The following GATAD1 variants were observed in gnomAD, a reference collection of about 807,000 sequenced individuals.
GATAD1 encodes GATA zinc finger domain containing 1.
In GATAD1, 12 loss-of-function variants were observed where a neutral mutation model predicts 26.5. That is an observed-to-expected ratio of 0.45 (90% CI 0.29 to 0.73). The LOEUF (loss-of-function observed/expected upper bound fraction) is 0.73. Among genes scored for constraint, GATAD1 ranks in the 30% least tolerant of loss-of-function variants. GATAD1 has a pLI of 0.10. For synonymous variants in GATAD1, 129 were observed against 133.1 expected (o/e 0.97, Z 0.21); for missense variants, 266 against 342.1 (o/e 0.78, Z 1.75).
chr7:92,481,230 T>A, the GATAD1 span, among the ~76,000 whole-genome samples: 2 of 152,088 alleles, frequency 1.3e-5, no homozygotes, highest in African/African-American at 4.8e-5. Flanking sequence ...GTCAGGTAGA[T>A]CAGAGACATA....
the GATAD1 span, among the ~76,000 whole-genome samples, chr7:92,484,052 T>A: frequency 2.6e-5 from 4 of 152,222 alleles, no homozygotes; most frequent in Non-Finnish European, 4.4e-5. Flanking sequence ...TGCCTGGACG[T>A]CAGGCATCTC....
chr7:92,494,157 A>G, the GATAD1 span: 2 of 733,456 alleles, frequency 2.7e-6, no homozygotes, highest in Non-Finnish European at 4.9e-6. Context: ...TTATGCTTTG[A>G]GCAAACAGTG....
chr7:92,489,226 G>T, the GATAD1 span: 1,378 of 1,338,092 alleles, frequency 1.0e-3, 11 homozygotes, highest in African/African-American at 0.017. Flanking sequence ...GAACTTTAAA[G>T]GTTTAAGTGT....
rs548857713 is a variant in GATAD1, at chr7:92,459,388, G to A, written c.*2826G>A. 1.2e-4 allele frequency: 19 copies of A among 152,284 alleles called. No homozygotes were observed. The South Asian group carries it at 3.1e-3, about 25-fold the overall frequency. The allele number at this position is 152,284 out of a possible 1,614,324, so 9.4% of individuals were successfully genotyped here. ...ATCATCTGTTTATAAATTGGCAGATGGTTGTGTACCATCTTTTAAAATAAA... is the reference window on the plus strand; with the variant it reads ...ATCATCTGTTTATAAATTGGCAGATAGTTGTGTACCATCTTTTAAAATAAA... On this transcript the variant is annotated 3_prime_UTR_variant, in exon 5 of 5. Transcript: ENST00000287957.
chr7:92,487,433 A>C, the GATAD1 span: 2 of 1,318,816 alleles, frequency 1.5e-6, no homozygotes. Context: ...AACTTAACAG[A>C]ACCAAATCAA....
the GATAD1 span, among the ~76,000 whole-genome samples, chr7:92,494,816 T>C: frequency 6.6e-6 from 1 of 151,216 alleles, no homozygotes; most frequent in Non-Finnish European, 1.5e-5. Flanking sequence ...TATAAATGTA[T>C]TTATATATAT....
At chr7:92,489,728 G>T in the GATAD1 span, 2 of 1,613,868 alleles carry the variant, frequency 1.2e-6, no homozygotes, top group South Asian at 2.2e-5. Context: ...CTTTGGCTCC[G>T]GTATCTGCCT....
intron 3 of GATAD1, chr7:92,454,073 C>A: frequency 4.7e-6 from 1 of 212,270 alleles, no homozygotes; most frequent in Non-Finnish European, 9.2e-6. Context: ...ACAAGTGTAC[C>A]ACTCTAGTGG....
At chr7:92,494,108 T>C in the GATAD1 span, 1 of 592,642 alleles carries the variant, frequency 1.7e-6, no homozygotes, top group Non-Finnish European at 3.0e-6. Context: ...AGACTTGCAC[T>C]GGGCCAAAAA....
chr7:92,455,110 C>T (rs968261204), intron 4 of GATAD1, among the ~76,000 whole-genome samples: 2 of 145,018 alleles, frequency 1.4e-5, no homozygotes, highest in Admixed American at 7.0e-5. Context: ...TGGAGGGTGG[C>T]GGGGGGGGAT....
the GATAD1 span, among the ~76,000 whole-genome samples, chr7:92,466,037 T>C: frequency 0.22 from 32,904 of 151,980 alleles, 3,685 homozygotes; most frequent in East Asian, 0.33. Context: ...ACAACCTTAA[T>C]CTCAACTTCT....
the GATAD1 span, among the ~76,000 whole-genome samples, chr7:92,480,992 A>T: frequency 6.6e-6 from 1 of 152,216 alleles, no homozygotes; most frequent in East Asian, 1.9e-4. Context: ...ATTGACGTGT[A>T]GTCCCTTTGC....
chr7:92,469,600 A>G, the GATAD1 span: 1 of 764,610 alleles, frequency 1.3e-6, no homozygotes, highest in Non-Finnish European at 2.4e-6. Context: ...TAGGCAGACT[A>G]TTTGTGTGGG....
chr7:92,482,148 G>C, the GATAD1 span, among the ~76,000 whole-genome samples: 1 of 152,258 alleles, frequency 6.6e-6, no homozygotes, highest in African/African-American at 2.4e-5. Context: ...GGCTGTCCCT[G>C]AAGCCTTGCG....
rs1160221343 is a variant in GATAD1 at position 92,456,856 on chromosome 7, G to T, written c.*294G>T. 1.5e-5 allele frequency: 4 copies of T among 265,754 alleles called. No individual in the cohort carries two copies. The highest frequency in any genetic ancestry group is 2.8e-5 in the Non-Finnish European group (4 of 143,342). The allele number at this position is 265,754 out of a possible 1,614,324, so 16.5% of individuals were successfully genotyped here. A position where few individuals can be genotyped will look rare whatever the true frequency, so the allele number is the denominator to read the frequency against. On this transcript the variant is annotated 3_prime_UTR_variant, in exon 5 of 5. Transcript: ENST00000287957. ...CACTTAGAAAATTAAAAGGGATAGGGCCAGGCACAGTGGCTTATGCCTGTA... is the reference window on the plus strand; with the variant it reads ...CACTTAGAAAATTAAAAGGGATAGGTCCAGGCACAGTGGCTTATGCCTGTA...
chr7:92,468,431 A>G, the GATAD1 span: 1 of 196,190 alleles, frequency 5.1e-6, no homozygotes, highest in Non-Finnish European at 1.0e-5. Context: ...GAGCTCCCAT[A>G]CAAAGGGAGG....
chr7:92,471,814 C>T, the GATAD1 span: 1 of 152,204 alleles, frequency 6.6e-6, no homozygotes, highest in Admixed American at 6.5e-5. Context: ...GTTAGGAATT[C>T]CCTTTCTTTC....
chr7:92,448,999 G>A lies in GATAD1; in HGVS notation c.375+122G>A, dbSNP rs1684338033. The stretch of plus-strand genomic sequence containing the variant: ...GGTAGCCCTTCCTTAGTATTCTGGG[G>A]AATGGTCCAGATTCCCCAAAAGGGA... On this transcript the variant is annotated intron_variant, in intron 2 of 4. Transcript: ENST00000287957. The A allele has an allele frequency of 1.8e-5, 21 of 1,157,384 alleles. No individual in the cohort carries two copies. The South Asian group carries it at 2.8e-4, about 15-fold the overall frequency. The allele number at this position is 1,157,384 out of a possible 1,614,324, so 71.7% of individuals were successfully genotyped here.
the GATAD1 span, among the ~76,000 whole-genome samples, chr7:92,465,856 C>T: frequency 6.6e-6 from 1 of 151,906 alleles, no homozygotes; most frequent in Non-Finnish European, 1.5e-5. Flanking sequence ...CAAAAATTAG[C>T]CCGGCGTGGT....
Sources: gnomAD v4.1 joint callset for allele counts (sites outside exome capture counted in the v4.1 genomes callset) on GRCh38, gnomAD v4.1.1 for gene constraint, MANE v1.5 for transcripts, NCBI Gene and HGNC (gene_info 2026-07-23, HGNC 2026-07-21) for gene names.